Variants in DPP6 observed in about 807,000 individuals in gnomAD.
The protein encoded by DPP6 is A-type potassium channel modulatory protein DPP6.
In DPP6, 69 loss-of-function variants were observed where a neutral mutation model predicts 122.6. That is an observed-to-expected ratio of 0.56 (90% CI 0.46 to 0.69). The LOEUF (loss-of-function observed/expected upper bound fraction) is 0.69, where lower values mean the gene tolerates loss of function less well. Among genes scored for constraint, DPP6 ranks in the 30% least tolerant of loss-of-function variants. The probability of loss-of-function intolerance (pLI) is 0.00; values close to 1 mark genes in which losing one functional copy is unlikely to be tolerated. For missense variants in DPP6, 928 were observed against 1,116.9 expected (o/e 0.83, Z 2.41); for synonymous variants, 418 against 433.1 (o/e 0.97, Z 0.43).
chr7:153,904,319 T>C (rs1799758060), intron 1 of DPP6, among the ~76,000 whole-genome samples: 1 of 152,212 alleles, frequency 6.6e-6, no homozygotes, highest in African/African-American at 2.4e-5. Flanking sequence ...CCCAAAATGC[T>C]GGGATTACAG....
the DPP6 span, among the ~76,000 whole-genome samples, chr7:153,808,774 C>G: frequency 6.6e-6 from 1 of 152,036 alleles, no homozygotes; most frequent in South Asian, 2.1e-4. Flanking sequence ...ATAGTTACTA[C>G]AATTTCTTCA....
chr7:154,574,801 T>TGG (rs1831412295), intron 5 of DPP6, among the ~76,000 whole-genome samples: 1 of 90,056 alleles, frequency 1.1e-5, no homozygotes, highest in Non-Finnish European at 2.1e-5. Flanking sequence ...GTGGTGTGTG[T>TGG]TTGTGTGTGT....
At chr7:154,289,137 G>A (rs1805039878) in intron 1 of DPP6, among the ~76,000 whole-genome samples, 1 of 152,180 alleles carries the variant, frequency 6.6e-6, no homozygotes, top group Non-Finnish European at 1.5e-5. Context: ...AGAGAAGGGG[G>A]ATGCTGGTGA....
intron 1 of DPP6, among the ~76,000 whole-genome samples, chr7:154,025,333 G>A (rs997566317): frequency 7.6e-6 from 1 of 131,466 alleles, no homozygotes; most frequent in Admixed American, 8.3e-5. Context: ...GGTAGGGGGA[G>A]TACTGAGAGG....
At position 154,566,865 on chromosome 7, in the gene DPP6, T is replaced by C. The variant is rs372933321; in HGVS notation, c.576T>C (p.Tyr192=). The change falls in exon 5 of 26, where the codon TAT becomes TAC. Residue 192 remains tyrosine (Y), a synonymous_variant. Transcript: ENST00000377770. ...KKIESLRAIR[Y]EISPDREYAL... ...AGGAATCATTAAGAGCCATCAGATATGAAATATCTCCAGATAGAGAGTATG... is the reference window on the plus strand; with the variant it reads ...AGGAATCATTAAGAGCCATCAGATACGAAATATCTCCAGATAGAGAGTATG... The C allele has an allele frequency of 3.9e-4, 626 of 1,604,776 alleles. 1 individual carries two copies. The highest frequency in any genetic ancestry group is 3.9e-4 in the Non-Finnish European group (456 of 1,173,514).
chr7:154,425,475 G>A (rs1817802771), intron 1 of DPP6, among the ~76,000 whole-genome samples: 3 of 152,200 alleles, frequency 2.0e-5, no homozygotes, highest in South Asian at 4.1e-4. Context: ...GTGGGCCATC[G>A]CTCATGTTTT....
At chr7:154,735,497 A>T (rs1842531295) in intron 8 of DPP6, among the ~76,000 whole-genome samples, 2 of 152,380 alleles carry the variant, frequency 1.3e-5, no homozygotes, top group South Asian at 4.1e-4. Flanking sequence ...GCATTGGCTC[A>T]ATCAAATAGC....
chr7:154,839,994 A>G (rs1801389964), intron 16 of DPP6, among the ~76,000 whole-genome samples: 3 of 152,218 alleles, frequency 2.0e-5, no homozygotes. Context: ...TAGCAGGCAC[A>G]GTGAGAGGAA....
chr7:154,497,479 G>A (rs957428508), intron 3 of DPP6, among the ~76,000 whole-genome samples: 2 of 151,884 alleles, frequency 1.3e-5, no homozygotes, highest in African/African-American at 2.4e-5. Flanking sequence ...TGTGGTGGCG[G>A]GCATCTGTAA....
intron 1 of DPP6, among the ~76,000 whole-genome samples, chr7:154,075,231 T>C (rs1803472726): frequency 6.6e-6 from 1 of 151,894 alleles, no homozygotes; most frequent in Non-Finnish European, 1.5e-5. Flanking sequence ...ATAACCACTA[T>C]GGAAAACAGT....
intron 12 of DPP6, among the ~76,000 whole-genome samples, chr7:154,797,261 A>G (rs1272692699): frequency 1.3e-5 from 2 of 152,182 alleles, no homozygotes; most frequent in African/African-American, 4.8e-5. Flanking sequence ...CACTGAGCAC[A>G]CATTGTGGTG....
intron 1 of DPP6, among the ~76,000 whole-genome samples, chr7:154,252,267 T>A (rs2150898237): frequency 6.6e-6 from 1 of 151,286 alleles, no homozygotes; most frequent in East Asian, 1.9e-4. Context: ...GTGGTTGTGA[T>A]GAAATGGAGG....
chr7:154,308,200 TGGGTGGA>T (rs1002698951), intron 1 of DPP6, among the ~76,000 whole-genome samples: 5 of 151,544 alleles, frequency 3.3e-5, no homozygotes, highest in Non-Finnish European at 5.9e-5. Flanking sequence ...ATATGGGTGG[TGGGTGGA>T]AATAATTTTT....
chr7:153,843,788 A>G, the DPP6 span, among the ~76,000 whole-genome samples: 1 of 152,240 alleles, frequency 6.6e-6, no homozygotes, highest in Admixed American at 6.5e-5. Flanking sequence ...ACCTATGATT[A>G]GCAAGACATT....
chr7:154,879,362 C>CTT (rs1805155455), intron 20 of DPP6, among the ~76,000 whole-genome samples: 1 of 101,566 alleles, frequency 9.8e-6, no homozygotes, highest in Non-Finnish European at 1.8e-5. Flanking sequence ...GGGCGGATCA[C>CTT]GAGGTCAGGA....
chr7:154,023,693 G>A (rs903131306), intron 1 of DPP6, among the ~76,000 whole-genome samples: 2 of 151,936 alleles, frequency 1.3e-5, no homozygotes, highest in Admixed American at 1.3e-4. Flanking sequence ...TGTTGGCCAG[G>A]CTGGTCTCGA....
At chr7:154,815,254 T>C (rs1328071390) in intron 16 of DPP6, among the ~76,000 whole-genome samples, 1 of 152,232 alleles carries the variant, frequency 6.6e-6, no homozygotes, top group Non-Finnish European at 1.5e-5. Context: ...ATAGCAACTC[T>C]AGCATATTAG....
In DPP6 at chr7:154,852,951, C is replaced by T. The variant is rs532473272; in HGVS notation, c.1667-829C>T. 7.9e-5 allele frequency among the ~76,000 whole-genome samples: 12 copies of T among 152,266 alleles called. No individual in the cohort carries two copies. In the South Asian group the frequency reaches 8.3e-4, roughly 11 times the overall value. On this transcript the variant is annotated intron_variant, in intron 16 of 25. Coordinates refer to ENST00000377770, the MANE Select transcript of DPP6 (RefSeq NM_130797.4). ...GAGCATTTCAGGCAGTGAGAACAAG[C>T]GGCTCAGTGGGAACAAGCCTGACAT...
intron 1 of DPP6, among the ~76,000 whole-genome samples, chr7:154,396,704 G>A (rs1192617900): frequency 6.6e-6 from 1 of 152,232 alleles, no homozygotes; most frequent in African/African-American, 2.4e-5. Context: ...CTCACTTTGG[G>A]AGGCCAAGGT....
Sources: allele counts gnomAD v4.1 joint callset (sites outside exome capture counted in the v4.1 genomes callset), GRCh38; gene constraint gnomAD v4.1.1; transcripts MANE v1.5; gene names NCBI Gene and HGNC (gene_info 2026-07-23, HGNC 2026-07-21).